KLF12: variants seen among roughly 807,000 people sequenced by gnomAD.
KLF12 encodes Krueppel-like factor 12.
A neutral mutation model predicts 37.8 loss-of-function variants in KLF12; 9 were observed. The observed-to-expected ratio is 0.24, with a 90% CI of 0.14 to 0.42. KLF12 has a LOEUF of 0.42. Ranked by LOEUF, KLF12 falls within the 10% of genes least tolerant of loss-of-function variation. The probability of loss-of-function intolerance (pLI) is 1.00; values close to 1 mark genes in which losing one functional copy is unlikely to be tolerated. For synonymous variants in KLF12, 208 were observed against 202.1 expected (o/e 1.03, Z -0.25); for missense variants, 411 against 516.0 (o/e 0.80, Z 1.97).
At chr13:73,807,819 T>C (rs537195622) in intron 5 of KLF12, among the ~76,000 whole-genome samples, 183 of 152,326 alleles carry the variant, frequency 1.2e-3, no homozygotes, top group African/African-American at 4.4e-3. Context: ...CTCTCTTCAG[T>C]TTTACTGAAT....
the KLF12 span, among the ~76,000 whole-genome samples, chr13:74,223,165 C>T: frequency 1.3e-5 from 2 of 152,074 alleles, no homozygotes; most frequent in Non-Finnish European, 2.9e-5. Flanking sequence ...GGATGGAAAA[C>T]GGGGAGGAAG....
At chr13:74,217,591 G>A in the KLF12 span, among the ~76,000 whole-genome samples, 1 of 152,146 alleles carries the variant, frequency 6.6e-6, no homozygotes, top group Non-Finnish European at 1.5e-5. Context: ...GCCGGGCGTG[G>A]TGGTGTGCAC....
At chr13:74,129,557 G>T (rs1286267384) in intron 1 of KLF12, among the ~76,000 whole-genome samples, 1 of 152,146 alleles carries the variant, frequency 6.6e-6, no homozygotes, top group African/African-American at 2.4e-5. Context: ...CAGCAGTACA[G>T]CAGTAAGGGC....
chr13:74,045,569 T>C (rs569374365), intron 1 of KLF12, among the ~76,000 whole-genome samples: 17 of 151,254 alleles, frequency 1.1e-4, no homozygotes, highest in African/African-American at 4.1e-4. Flanking sequence ...TAAAGTACAG[T>C]AGGTTCTCAG....
chr13:74,265,719 C>A, the KLF12 span, among the ~76,000 whole-genome samples: 1 of 152,136 alleles, frequency 6.6e-6, no homozygotes, highest in Non-Finnish European at 1.5e-5. Context: ...CCCTTCATTT[C>A]CTGTGTGTTC....
At chr13:73,746,631 T>C (rs1878389618) in intron 6 of KLF12, among the ~76,000 whole-genome samples, 1 of 152,154 alleles carries the variant, frequency 6.6e-6, no homozygotes, top group South Asian at 2.1e-4. Context: ...GCTCAAAATA[T>C]GTCAGACTTT....
intron 6 of KLF12, among the ~76,000 whole-genome samples, chr13:73,742,823 C>G (rs188790639): frequency 1.1e-4 from 17 of 152,256 alleles, no homozygotes; most frequent in Non-Finnish European, 2.2e-4. Context: ...ATATACTTTT[C>G]AAATGAGAGC....
the KLF12 span, among the ~76,000 whole-genome samples, chr13:74,232,951 T>A: frequency 6.6e-6 from 1 of 152,130 alleles, no homozygotes; most frequent in Admixed American, 6.5e-5. Flanking sequence ...AGTGGCGTGA[T>A]CTCAGCTCAC....
At chr13:73,871,978 TG>T (rs1160816569) in intron 3 of KLF12, among the ~76,000 whole-genome samples, 1 of 152,206 alleles carries the variant, frequency 6.6e-6, no homozygotes, top group Admixed American at 6.5e-5. Context: ...AAGACTAGAA[TG>T]TTGTTTTTGT....
intron 1 of KLF12, among the ~76,000 whole-genome samples, chr13:74,126,217 C>T (rs1157748746): frequency 2.6e-5 from 4 of 151,952 alleles, no homozygotes; most frequent in Non-Finnish European, 5.9e-5. Flanking sequence ...ATTACTATAC[C>T]TATATTATAC....
the KLF12 span, among the ~76,000 whole-genome samples, chr13:74,248,887 G>A: frequency 3.3e-5 from 5 of 152,216 alleles, no homozygotes; most frequent in East Asian, 9.7e-4. Context: ...TTTGAAGTGG[G>A]GAACAAGGGA....
rs1278521879 is a variant in KLF12 at position 73,851,650 on chromosome 13, T to C, written c.124-5277A>G. ...GTTGGTCATTCTTTAGCAGTCTTAT[T>C]ATGAGACAATACAGGAGCATATTTG... On this transcript the variant is annotated intron_variant, in intron 3 of 7. Transcript: ENST00000377669. Among the ~76,000 whole-genome samples the C allele has an allele frequency of 2.0e-5, 3 of 152,178 alleles. No individual in the cohort carries two copies. In the East Asian group the frequency reaches 5.8e-4, roughly 29 times the overall value.
chr13:73,968,773 T>C (rs1891243907), intron 2 of KLF12, among the ~76,000 whole-genome samples: 1 of 152,202 alleles, frequency 6.6e-6, no homozygotes, highest in African/African-American at 2.4e-5. Context: ...TGTCTATTAC[T>C]ATCATCATCA....
At chr13:73,851,621 G>A (rs1484768306) in intron 3 of KLF12, among the ~76,000 whole-genome samples, 1 of 152,020 alleles carries the variant, frequency 6.6e-6, no homozygotes, top group Non-Finnish European at 1.5e-5. Context: ...AATTGCTTTG[G>A]GATGTTGGTC....
rs562533411 is a variant in KLF12 at position 74,020,458 on chromosome 13, T to A, written c.-31-25405A>T. ...CTTGACAAAAGGCAATGATTTAGAATGCACTCTAATTTTTAAGGAAGTCAG... is the reference window on the plus strand; with the variant it reads ...CTTGACAAAAGGCAATGATTTAGAAAGCACTCTAATTTTTAAGGAAGTCAG... On this transcript the variant is annotated intron_variant, in intron 1 of 7. Transcript: ENST00000377669. Among the ~76,000 whole-genome samples, 187 of 152,278 alleles carry A rather than the reference T, an allele frequency of 1.2e-3. 8 individuals carry two copies. The South Asian group carries it at 0.039, about 31-fold the overall frequency.
intron 1 of KLF12, among the ~76,000 whole-genome samples, chr13:74,115,467 G>C (rs1302888704): frequency 6.6e-6 from 1 of 152,172 alleles, no homozygotes; most frequent in African/African-American, 2.4e-5. Context: ...CACTTTGGGA[G>C]GCTGAAGCAG....
At chr13:74,255,422 T>G in the KLF12 span, among the ~76,000 whole-genome samples, 3 of 152,222 alleles carry the variant, frequency 2.0e-5, no homozygotes, top group Non-Finnish European at 4.4e-5. Context: ...CTAGTTAAGT[T>G]TTTAGTTGCT....
chr13:73,725,961 T>C (rs7997399), intron 6 of KLF12, among the ~76,000 whole-genome samples: 22,634 of 151,564 alleles, frequency 0.15, 2,741 homozygotes, highest in African/African-American at 0.34. Context: ...CTCCACCTCC[T>C]AGGTCCAAGC....
the KLF12 span, among the ~76,000 whole-genome samples, chr13:74,161,978 C>G: frequency 1.3e-5 from 2 of 152,080 alleles, no homozygotes; most frequent in African/African-American, 4.8e-5. Context: ...TTAAAATCTC[C>G]ATCATTTTTG....
Sources: gnomAD v4.1 joint callset for allele counts (sites outside exome capture counted in the v4.1 genomes callset) on GRCh38, gnomAD v4.1.1 for gene constraint, MANE v1.5 for transcripts, NCBI Gene and HGNC (gene_info 2026-07-23, HGNC 2026-07-21) for gene names.